The following CACNA1B variants were observed in gnomAD, a reference collection of about 807,000 sequenced individuals.
CACNA1B encodes the protein calcium voltage-gated channel subunit alpha1 B.
CACNA1B carries 70 observed loss-of-function variants against 247.2 expected under a neutral mutation model. The observed-to-expected ratio is 0.28, with a 90% CI of 0.23 to 0.35. The LOEUF (loss-of-function observed/expected upper bound fraction) is 0.35, where lower values mean the gene tolerates loss of function less well. Ranked by LOEUF, CACNA1B falls within the 10% of genes least tolerant of loss-of-function variation. CACNA1B has a pLI of 1.00. For missense variants in CACNA1B, 2,367 were observed against 3,197.4 expected (o/e 0.74, Z 6.26); for synonymous variants, 1,231 against 1,294.4 (o/e 0.95, Z 1.05).
In CACNA1B at chr9:138,096,541, T is replaced by A; in HGVS notation, c.5152T>A (p.Ser1718Thr). The change falls in exon 37 of 47, where the codon TCT (serine) becomes ACT (threonine). Residue 1718 changes from serine (S) to threonine (T), a missense_variant. Ser to Thr is a moderately conservative substitution (Grantham distance 58, BLOSUM62 1). Transcript: ENST00000371372. ...MDNFEYLTRD[S>T]SILGPHHLDE... is the part of the protein sequence containing the mutation. ...CAATTTTGAGTACCTCACGCGGGAC[T>A]CTTCCATCCTAGGTCCTCACCACTT... 6.2e-7 allele frequency: 1 copy of A among 1,613,010 alleles called. No individual in the cohort carries two copies. The highest frequency in any genetic ancestry group is 8.5e-7 in the Non-Finnish European group (1 of 1,179,234).
In CACNA1B at chr9:138,063,687, A is replaced by G. The variant is rs536248749; in HGVS notation, c.4668+3950A>G. 1.1e-4 allele frequency among the ~76,000 whole-genome samples: 17 copies of G among 152,284 alleles called. No individual in the cohort carries two copies. The South Asian group carries it at 3.3e-3, about 30-fold the overall frequency. ...AGAGGCTGAGTAGATCTGTTCTATTAAAGATACCAAATCTCCCACAGCAGT... is the reference window on the plus strand; with the variant it reads ...AGAGGCTGAGTAGATCTGTTCTATTGAAGATACCAAATCTCCCACAGCAGT... On this transcript the variant is annotated intron_variant, in intron 31 of 46. Transcript: ENST00000371372.
At chr9:137,946,729 C>T (rs1279411736) in intron 6 of CACNA1B, among the ~76,000 whole-genome samples, 1 of 152,168 alleles carries the variant, frequency 6.6e-6, no homozygotes, top group Non-Finnish European at 1.5e-5. Context: ...GCAGTTGCCT[C>T]CATGCTTAGG....
rs1299646152 is a variant in CACNA1B at position 138,047,464 on chromosome 9, A to T, written c.3603+6A>T. ...CCTTTGAGATGGTGATAAAGGTGAG[A>T]TATGTGGCTGCCCTTGTGACCCCAG... is the stretch of plus-strand genomic sequence containing the variant. On this transcript the variant is annotated splice_donor_region_variant and intron_variant, in intron 23 of 46. Transcript: ENST00000371372. The T allele has an allele frequency of 1.9e-6, 3 of 1,603,072 alleles. No homozygotes were observed. Among genetic ancestry groups the T allele is most frequent in the East Asian group, 2.2e-5 (1 of 44,844 alleles).
chr9:137,971,663 TGCCCTGGGGCTACCCCAGGTG>T lies in CACNA1B; in HGVS notation c.1543+73_1543+93del. The T allele has an allele frequency of 7.4e-7, 1 of 1,343,836 alleles. No individual in the cohort carries two copies. The highest frequency in any genetic ancestry group is 2.4e-5 in the East Asian group (1 of 40,842). 83.2% of individuals were successfully genotyped at this position (1,343,836 alleles called of 1,614,324 possible). A position where few individuals can be genotyped will look rare whatever the true frequency, so the allele number is the denominator to read the frequency against. ...CTCTCAGTCTGGAAACCCTGGTCCA[TGCCCTGGGGCTACCCCAGGTG>T]GGACGGGACCCACCCCCATGTTGCT... On this transcript the variant is annotated intron_variant, in intron 11 of 46. Transcript: ENST00000371372. This position sits in a 1 kb window ranked among gnomAD's most constrained non-coding sequence, Gnocchi z 4.4.
intron 15 of CACNA1B, among the ~76,000 whole-genome samples, chr9:138,005,310 C>T (rs1958633310): frequency 6.6e-6 from 1 of 152,200 alleles, no homozygotes; most frequent in African/African-American, 2.4e-5. Flanking sequence ...CTGTCATTTG[C>T]AGCAACATGG....
In CACNA1B at chr9:138,054,174, G is replaced by A. The variant is rs777075750; in HGVS notation, c.3968+168G>A. On this transcript the variant is annotated intron_variant, in intron 26 of 46. Transcript: ENST00000371372. This position sits in a 1 kb window ranked among gnomAD's most constrained non-coding sequence, Gnocchi z 4.6. The stretch of plus-strand genomic sequence containing the variant: ...GGAGGGGCTTGCTTGAGAAGGGCTA[G>A]AGTCACCACAGAAGACAGGATGCAT... Among the ~76,000 whole-genome samples, 4 of 152,166 alleles carry A rather than the reference G, an allele frequency of 2.6e-5. No homozygotes were observed. The highest frequency in any genetic ancestry group is 5.9e-5 in the Non-Finnish European group (4 of 68,024).
intron 40 of CACNA1B, among the ~76,000 whole-genome samples, chr9:138,113,803 G>A (rs551829187): frequency 7.2e-6 from 1 of 139,060 alleles, no homozygotes; most frequent in East Asian, 2.4e-4. Context: ...CATCTTGTGG[G>A]AGACGTGAGG....
At chr9:137,915,442 A>G (rs555058793) in intron 5 of CACNA1B, among the ~76,000 whole-genome samples, 1 of 152,298 alleles carries the variant, frequency 6.6e-6, no homozygotes, top group East Asian at 1.9e-4. Flanking sequence ...GGTAAAGCCA[A>G]CAGAATTTTC....
chr9:138,115,202 A>T (rs1342037329), intron 41 of CACNA1B, among the ~76,000 whole-genome samples: 1 of 152,194 alleles, frequency 6.6e-6, no homozygotes, highest in African/African-American at 2.4e-5. Context: ...ATTCAAGGTG[A>T]TGATTAGATG....
At position 138,058,271 on chromosome 9, in the gene CACNA1B, G is replaced by A. The variant is rs1254134618; in HGVS notation, c.4308+21G>A. ...ACGAGGTAGGTGGACGCTCTGTGGA[G>A]TCTTGCAGTGGACAGCGTGGGCAGC... On this transcript the variant is annotated intron_variant, in intron 28 of 46. Transcript: ENST00000371372. This position sits in a 1 kb window ranked among gnomAD's most constrained non-coding sequence, Gnocchi z 4.7. The A allele has an allele frequency of 6.3e-7, 1 of 1,582,364 alleles. No individual in the cohort carries two copies. The highest frequency in any genetic ancestry group is 8.7e-7 in the Non-Finnish European group (1 of 1,151,956).
rs930812569 is a variant in CACNA1B at position 137,913,271 on chromosome 9, A to G, written c.622A>G (p.Ser208Gly). Residue 208 changes from serine (S) to glycine (G), a missense_variant and splice_region_variant, in exon 4 of 47, where the codon AGT becomes GGT. Ser to Gly is a moderately conservative substitution (Grantham distance 56). Coordinates refer to ENST00000371372, the MANE Select transcript of CACNA1B (RefSeq NM_000718.4). This position sits in a 1 kb window ranked among gnomAD's most constrained non-coding sequence, Gnocchi z 5.2. ...CCTGAAGCTGGTGTCTGGGATTCCA[A>G]GTGAGTCCAGCGAAGACAGGCCCAA... Reference protein sequence around the residue: ...RPLKLVSGIPSLQVVLKSIMK... With the variant: ...RPLKLVSGIPGLQVVLKSIMK... 6.2e-7 allele frequency: 1 copy of G among 1,612,458 alleles called. No homozygotes were observed. The highest frequency in any genetic ancestry group is 8.5e-7 in the Non-Finnish European group (1 of 1,178,696).
At chr9:138,042,151 T>C (rs1322940951) in intron 20 of CACNA1B, among the ~76,000 whole-genome samples, 1 of 152,230 alleles carries the variant, frequency 6.6e-6, no homozygotes, top group Non-Finnish European at 1.5e-5. Flanking sequence ...TTGTGCATTT[T>C]ATAATTTTTG....
intron 6 of CACNA1B, among the ~76,000 whole-genome samples, chr9:137,928,623 C>A (rs1348486142): frequency 6.6e-6 from 1 of 152,104 alleles, no homozygotes; most frequent in Non-Finnish European, 1.5e-5. Context: ...ACTTTTGCTG[C>A]AATATAATCT....
At chr9:138,001,591 G>C (rs1382872263) in intron 15 of CACNA1B, among the ~76,000 whole-genome samples, 1 of 151,730 alleles carries the variant, frequency 6.6e-6, no homozygotes, top group Non-Finnish European at 1.5e-5. Context: ...TAAGAAAAAA[G>C]AAAGAAGTAA....
chr9:137,909,440 G>A (rs531841743), intron 3 of CACNA1B, among the ~76,000 whole-genome samples: 1 of 152,294 alleles, frequency 6.6e-6, no homozygotes, highest in Admixed American at 6.5e-5. Context: ...ATGTAAGTGG[G>A]AGCGTATGTT....
In CACNA1B at chr9:138,051,634, T is replaced by C. The variant is rs1394616888; in HGVS notation, c.3711-458T>C. ...AGGAATGTTAGGACGGCTGAGGAGA[T>C]CTGTAGGGCAGAGGCCAGACAGGTC... On this transcript the variant is annotated intron_variant, in intron 24 of 46. Coordinates refer to ENST00000371372, the MANE Select transcript of CACNA1B (RefSeq NM_000718.4). The surrounding 1 kb of genome is among the most constrained non-coding windows in gnomAD (Gnocchi z 4.3). 2.6e-5 allele frequency among the ~76,000 whole-genome samples: 4 copies of C among 151,906 alleles called. No individual in the cohort carries two copies. The highest frequency in any genetic ancestry group is 6.6e-5 in the Admixed American group (1 of 15,228).
At chr9:137,941,521 C>T (rs1417429099) in intron 6 of CACNA1B, among the ~76,000 whole-genome samples, 1 of 152,098 alleles carries the variant, frequency 6.6e-6, no homozygotes, top group Non-Finnish European at 1.5e-5. Flanking sequence ...AAGCAGTCTA[C>T]AAATTCAATG....
chr9:138,057,483 C>T lies in CACNA1B; in HGVS notation c.3969-249C>T, dbSNP rs80276264. Among the ~76,000 whole-genome samples the T allele has an allele frequency of 9.4e-3, 1,436 of 152,218 alleles. 11 individuals carry two copies. Among genetic ancestry groups the T allele is most frequent in the Non-Finnish European group, 0.016 (1,101 of 68,016 alleles). On this transcript the variant is annotated intron_variant, in intron 26 of 46. Coordinates refer to ENST00000371372, the MANE Select transcript of CACNA1B (RefSeq NM_000718.4). This position sits in a 1 kb window ranked among gnomAD's most constrained non-coding sequence, Gnocchi z 4.0. ...ATTCGAGGTCACGAAGTTTTGCCCC[C>T]GTTTTCCTCTAAGTGTTTTATAGTT...
Position 138,049,310 on chromosome 9 carries a change from T to G in CACNA1B, c.3705T>G (p.Ala1235=). 1 of 1,599,028 alleles carries G rather than the reference T, an allele frequency of 6.3e-7. No individual in the cohort carries two copies. The highest frequency in any genetic ancestry group is 1.7e-5 in the Admixed American group (1 of 60,022). The part of the protein sequence containing the change: ...IVVSGALVAF[A]FSGSKGKDIN... ...TCAGTGGCGCCCTGGTGGCGTTTGC[T>G]TTCTCGTAAGTAACGTTCGCTCTGC... is the stretch of plus-strand genomic sequence containing the variant. Residue 1235 remains alanine, a synonymous_variant, in exon 24 of 47, where the codon GCT becomes GCG. Coordinates refer to ENST00000371372, the MANE Select transcript of CACNA1B (RefSeq NM_000718.4).
Sources: gnomAD v4.1 joint callset for allele counts (sites outside exome capture counted in the v4.1 genomes callset) on GRCh38, gnomAD v4.1.1 for gene constraint, Gnocchi (gnomAD v3.1) non-coding constraint, MANE v1.5 for transcripts, NCBI Gene and HGNC (gene_info 2026-07-23, HGNC 2026-07-21) for gene names.